Variants in NUP160 observed in about 807,000 individuals in gnomAD.
NUP160 encodes the protein nuclear pore complex protein Nup160.
Under a neutral mutation model 196.9 loss-of-function variants are expected in NUP160, and 94 were observed. The ratio of observed to expected loss-of-function variants is 0.48; its 90% CI spans 0.40 to 0.57. The LOEUF (loss-of-function observed/expected upper bound fraction) is 0.57. NUP160 is among the 20% of genes least tolerant of loss of function. The pLI, the probability that NUP160 is intolerant of heterozygous loss-of-function variation, is 0.00. For synonymous variants in NUP160, 605 were observed against 619.7 expected (o/e 0.98, Z 0.35); for missense variants, 1,638 against 1,748.3 (o/e 0.94, Z 1.13).
At chr11:47,824,419 C>G (rs1177479849) in intron 7 of NUP160, among the ~76,000 whole-genome samples, 3 of 151,746 alleles carry the variant, frequency 2.0e-5, no homozygotes, top group African/African-American at 7.2e-5. Flanking sequence ...TCCTGACTAA[C>G]ACGGTGAAAC....
At chr11:47,805,685 A>G (rs1034786431) in intron 20 of NUP160, among the ~76,000 whole-genome samples, 3 of 151,716 alleles carry the variant, frequency 2.0e-5, no homozygotes, top group African/African-American at 7.3e-5. Flanking sequence ...TGACCTCGTG[A>G]TCTGCCCGCT....
intron 5 of NUP160, 130 bp downstream of exon 5, chr11:47,837,415 A>T (rs976444401): frequency 4.2e-6 from 3 of 714,400 alleles, no homozygotes; most frequent in Non-Finnish European, 7.2e-6. Flanking sequence ...ATGGAATTTA[A>T]TGTTATTCTG....
At chr11:47,807,566 C>G (rs975604920) in intron 18 of NUP160, among the ~76,000 whole-genome samples, 3 of 151,942 alleles carry the variant, frequency 2.0e-5, no homozygotes, top group African/African-American at 7.3e-5. Flanking sequence ...ACTCTGGAAG[C>G]TGAGGCAGCA....
At chr11:47,782,289 T>TAA (rs1164772188) in intron 34 of NUP160, among the ~76,000 whole-genome samples, 18 of 31,878 alleles carry the variant, frequency 5.6e-4, no homozygotes, top group African/African-American at 2.3e-3. Flanking sequence ...AAAACTCAGT[T>TAA]AAAAAAAAAA....
intron 14 of NUP160, 22 bp downstream of exon 14, chr11:47,813,294 T>C (rs1418320829): frequency 3.4e-6 from 5 of 1,475,026 alleles, no homozygotes; most frequent in Non-Finnish European, 2.8e-6. Flanking sequence ...GGATTAAATA[T>C]GGACATAACA....
chr11:47,805,939 G>A (rs1204205746), intron 20 of NUP160, among the ~76,000 whole-genome samples: 1 of 151,728 alleles, frequency 6.6e-6, no homozygotes, highest in African/African-American at 2.4e-5. Flanking sequence ...TCAGCCTTCC[G>A]AGTAGCTGGG....
chr11:47,818,137 TA>T lies in NUP160; in HGVS notation c.1363-14del. On this transcript the variant is annotated splice_polypyrimidine_tract_variant and intron_variant, in intron 10 of 35. Transcript: ENST00000378460. ...GCAGATACATCTCCTATTAGAACATTAAAACAAAAGTTACTATTGTCCTAAA... is the reference window on the plus strand; with the variant it reads ...GCAGATACATCTCCTATTAGAACATTAAACAAAAGTTACTATTGTCCTAAA... 1 of 1,576,506 alleles carries T rather than the reference TA, an allele frequency of 6.3e-7. No homozygotes were observed. Among genetic ancestry groups the T allele is most frequent in the Non-Finnish European group, 8.7e-7 (1 of 1,148,934 alleles).
chr11:47,826,716 C>A (rs1851975179), intron 7 of NUP160, among the ~76,000 whole-genome samples: 1 of 152,088 alleles, frequency 6.6e-6, no homozygotes, highest in South Asian at 2.1e-4. Flanking sequence ...ATGCCCGCCA[C>A]CACGCTTGGC....
At chr11:47,808,485 T>C (rs1474572188) in exon 18 of NUP160, 5 of 1,613,948 alleles carry the variant, frequency 3.1e-6, no homozygotes, top group African/African-American at 2.7e-5. Flanking sequence ...TTCGATGTAG[T>C]AGGTCTTGCT....
At chr11:47,814,137 G>A (rs1443614806) in intron 13 of NUP160, among the ~76,000 whole-genome samples, 2 of 110,086 alleles carry the variant, frequency 1.8e-5, no homozygotes. Context: ...GCAAGACCCT[G>A]CCTCAAACAA....
chr11:47,806,120 G>C, intron 20 of NUP160, 33 bp downstream of exon 20: 1 of 1,606,542 alleles, frequency 6.2e-7, no homozygotes. Context: ...GGCCAGAAGA[G>C]AGCTTTTCAC....
At chr11:47,815,329 T>C (rs1457519425) in intron 13 of NUP160, 150 bp downstream of exon 13, 3 of 450,892 alleles carry the variant, frequency 6.7e-6, no homozygotes, top group Admixed American at 8.5e-5. Flanking sequence ...GGGGAAAAAA[T>C]ACAAATGCAA....
At chr11:47,845,107 C>T (rs186082990) in intron 2 of NUP160, among the ~76,000 whole-genome samples, 47 of 152,270 alleles carry the variant, frequency 3.1e-4, no homozygotes, top group Admixed American at 2.0e-3. Context: ...CAGCAGCCCT[C>T]GGAGCTACTC....
intron 8 of NUP160, 102 bp downstream of exon 8, chr11:47,821,985 A>T: frequency 2.0e-6 from 2 of 995,418 alleles, no homozygotes; most frequent in Non-Finnish European, 3.1e-6. Flanking sequence ...ATATCATGAA[A>T]TAATTCCATT....
chr11:47,810,847 G>C (rs1356183257), intron 17 of NUP160, among the ~76,000 whole-genome samples: 3 of 152,022 alleles, frequency 2.0e-5, no homozygotes, highest in Non-Finnish European at 4.4e-5. Context: ...TGCCCAGCCT[G>C]AGTTAATACA....
At chr11:47,809,501 C>A (rs1027156370) in intron 17 of NUP160, among the ~76,000 whole-genome samples, 1 of 151,990 alleles carries the variant, frequency 6.6e-6, no homozygotes, top group African/African-American at 2.4e-5. Flanking sequence ...GTAATCCCAG[C>A]ACTTTGTGAG....
Position 47,848,311 on chromosome 11 carries a change from G to A in NUP160, c.110C>T (p.Ala37Val), listed in dbSNP as rs754571787. The A allele has an allele frequency of 3.7e-6, 6 of 1,613,966 alleles. No homozygotes were observed. The highest frequency in any genetic ancestry group is 1.3e-5 in the African/African-American group (1 of 75,054). The change falls in exon 1 of 36, where the codon GCG becomes GTG. Residue 37 changes from alanine (A) to valine (V), a missense_variant. Coordinates refer to ENST00000378460, the Ensembl canonical transcript of NUP160. ...GAAGCTCCGTTCCAGGGCTCCCGCC[G>A]CCGCCATCTTCCCGCCGTCGCCGCG...
At chr11:47,781,225 AAAAAATAAAAAAAT>A (rs1398618606) in intron 34 of NUP160, among the ~76,000 whole-genome samples, 4 of 151,962 alleles carry the variant, frequency 2.6e-5, no homozygotes, top group African/African-American at 9.7e-5. Flanking sequence ...TCCGTCTTGG[AAAAAATAAAAAAAT>A]AAAAATAAAA....
intron 1 of NUP160, 56 bp from the exon 2 acceptor site, chr11:47,848,015 T>G (rs1188372832): frequency 7.0e-7 from 1 of 1,426,830 alleles, no homozygotes; most frequent in Non-Finnish European, 9.9e-7. Flanking sequence ...TGACAGGGAC[T>G]AAGGGAGCTG....
Sources: gnomAD v4.1 joint callset for allele counts (sites outside exome capture counted in the v4.1 genomes callset) on GRCh38, gnomAD v4.1.1 for gene constraint, MANE v1.5 for transcripts, NCBI Gene and HGNC (gene_info 2026-07-23, HGNC 2026-07-21) for gene names.